Variants in CDH4 observed in about 807,000 individuals in gnomAD.
CDH4 encodes the protein cadherin-4.
Under a neutral mutation model 86.0 loss-of-function variants are expected in CDH4, and 33 were observed. The ratio of observed to expected loss-of-function variants is 0.38; its 90% CI spans 0.29 to 0.51. The LOEUF (loss-of-function observed/expected upper bound fraction) is 0.51. Ranked by LOEUF, CDH4 falls within the 20% of genes least tolerant of loss-of-function variation. The probability of loss-of-function intolerance (pLI) is 0.86; values close to 1 mark genes in which losing one functional copy is unlikely to be tolerated. For synonymous variants in CDH4, 555 were observed against 549.4 expected (o/e 1.01, Z -0.14); for missense variants, 1,114 against 1,307.4 (o/e 0.85, Z 2.28).
intron 2 of CDH4, among the ~76,000 whole-genome samples, chr20:61,336,221 A>G (rs1031913435): frequency 2.0e-5 from 3 of 152,316 alleles, no homozygotes; most frequent in Non-Finnish European, 4.4e-5. Context: ...CCATGGGTGA[A>G]TCACAGTTCA....
rs1286859644 is a variant in CDH4, at chr20:61,377,839, G to T, written c.169+122902G>T. ...GAAGGCTGGAGGCCTGTCCTCTGTA[G>T]CAGAAGGGAGATCAATGCAGCCCTG... On this transcript the variant is annotated intron_variant, in intron 2 of 15. Coordinates refer to ENST00000614565, the MANE Select transcript of CDH4 (RefSeq NM_001794.5). This position sits in a 1 kb window ranked among gnomAD's most constrained non-coding sequence, Gnocchi z 4.0. 2.6e-5 allele frequency among the ~76,000 whole-genome samples: 4 copies of T among 152,254 alleles called. No homozygotes were observed. The highest frequency in any genetic ancestry group is 5.9e-5 in the Non-Finnish European group (4 of 68,052).
chr20:61,527,807 A>T (rs73152006), intron 2 of CDH4, among the ~76,000 whole-genome samples: 29,239 of 151,592 alleles, frequency 0.19, 3,529 homozygotes, highest in African/African-American at 0.34. Context: ...GTGGTGTCCT[A>T]CTGCATGTGT....
chr20:61,781,380 G>A (rs1978534650), intron 4 of CDH4, among the ~76,000 whole-genome samples: 1 of 152,102 alleles, frequency 6.6e-6, no homozygotes, highest in African/African-American at 2.4e-5. Context: ...ATGTTCAAGG[G>A]TCAGAATAGA....
intron 2 of CDH4, among the ~76,000 whole-genome samples, chr20:61,455,156 T>G (rs2085400613): frequency 6.6e-6 from 1 of 152,152 alleles, no homozygotes; most frequent in Non-Finnish European, 1.5e-5. Context: ...GAGTGTTACA[T>G]CTCCACAAGC....
chr20:61,664,574 G>A (rs971525261), intron 2 of CDH4, among the ~76,000 whole-genome samples: 9 of 152,228 alleles, frequency 5.9e-5, no homozygotes, highest in African/African-American at 1.2e-4. Flanking sequence ...AACCCACACC[G>A]CATCAAGAGA....
chr20:61,852,897 A>G lies in CDH4; in HGVS notation c.876A>G (p.Pro292=), dbSNP rs1982798217. Residue 292 remains proline, a splice_region_variant and synonymous_variant, in exon 6 of 16, where the codon CCA becomes CCG. Coordinates refer to ENST00000614565, the MANE Select transcript of CDH4 (RefSeq NM_001794.5). ...GCTCCGTGGACGAGGGCTCCAAGCC[A>G]GGTGAGGCCTTTAGCGTTTGCTTGC... The part of the protein sequence containing the change: ...YNGSVDEGSK[P]GTYVMTVTAN... 6.2e-7 allele frequency: 1 copy of G among 1,613,768 alleles called. No homozygotes were observed. Among genetic ancestry groups the G allele is most frequent in the African/African-American group, 1.3e-5 (1 of 75,060 alleles).
intron 6 of CDH4, among the ~76,000 whole-genome samples, chr20:61,865,804 G>C (rs1327401630): frequency 6.6e-6 from 1 of 151,568 alleles, no homozygotes; most frequent in Non-Finnish European, 1.5e-5. Flanking sequence ...AGTTAGTGTA[G>C]ATGATAGCTG....
chr20:61,569,883 T>G (rs1405729067), intron 2 of CDH4, among the ~76,000 whole-genome samples: 2 of 152,214 alleles, frequency 1.3e-5, no homozygotes, highest in East Asian at 1.9e-4. Context: ...TGATGTTTCT[T>G]GATGACACTT....
intron 15 of CDH4, among the ~76,000 whole-genome samples, chr20:61,935,918 C>A (rs183133836): frequency 2.4e-4 from 37 of 152,262 alleles, no homozygotes; most frequent in Admixed American, 1.4e-3. Flanking sequence ...ATAAAGCCCA[C>A]TGTTAGATAG....
At chr20:61,344,152 C>T (rs768832366) in intron 2 of CDH4, among the ~76,000 whole-genome samples, 16 of 152,022 alleles carry the variant, frequency 1.1e-4, no homozygotes, top group Admixed American at 2.0e-4. Flanking sequence ...GGGGAGGAGA[C>T]GGGTTAGGGC....
At chr20:61,416,742 G>A (rs1407796417) in intron 2 of CDH4, among the ~76,000 whole-genome samples, 1 of 152,186 alleles carries the variant, frequency 6.6e-6, no homozygotes, top group Non-Finnish European at 1.5e-5. Context: ...GCCCCTTGAC[G>A]CCCTGTGGAC....
intron 2 of CDH4, among the ~76,000 whole-genome samples, chr20:61,268,883 T>A (rs2084169914): frequency 1.3e-5 from 2 of 152,198 alleles, no homozygotes; most frequent in Non-Finnish European, 2.9e-5. Context: ...GCCTCAGGTG[T>A]TCCTTTATAG....
At chr20:61,418,087 G>A (rs1174848693) in intron 2 of CDH4, among the ~76,000 whole-genome samples, 1 of 152,090 alleles carries the variant, frequency 6.6e-6, no homozygotes, top group Non-Finnish European at 1.5e-5. Flanking sequence ...GGCAAATGCT[G>A]ATCAAGAAAG....
intron 8 of CDH4, among the ~76,000 whole-genome samples, chr20:61,904,069 G>A (rs1017498434): frequency 1.3e-5 from 2 of 152,232 alleles, no homozygotes; most frequent in Non-Finnish European, 2.9e-5. Context: ...CCAAGCCGGC[G>A]TCCTGTGGGC....
At chr20:61,512,346 G>A (rs1025557169) in intron 2 of CDH4, among the ~76,000 whole-genome samples, 3 of 152,200 alleles carry the variant, frequency 2.0e-5, no homozygotes, top group African/African-American at 7.2e-5. Context: ...GCCCGGGAAG[G>A]GGATTGTCCC....
chr20:61,332,229 T>C (rs1326956013), intron 2 of CDH4, among the ~76,000 whole-genome samples: 1 of 152,178 alleles, frequency 6.6e-6, no homozygotes, highest in Non-Finnish European at 1.5e-5. Context: ...CTAGCAAATG[T>C]CAGTCTCTCA....
intron 2 of CDH4, chr20:61,717,630 GGC>G (rs2087974803): frequency 6.6e-6 from 1 of 152,228 alleles, no homozygotes; most frequent in Non-Finnish European, 1.5e-5. Context: ...TGGGATTACA[GGC>G]GCACACCACC....
intron 3 of CDH4, among the ~76,000 whole-genome samples, 192 bp from the exon 4 acceptor site, chr20:61,772,795 ATTGATGGGGGTCTCAC>A (rs1410912389): frequency 6.6e-6 from 1 of 151,386 alleles, no homozygotes; most frequent in African/African-American, 2.4e-5. Context: ...GTCTCATCAT[ATTGATGGGGGTCTCAC>A]TTGATTTTTT....
rs2086108318 is a variant in CDH4, at chr20:61,548,978, G to A, written c.170-194585G>A. On this transcript the variant is annotated intron_variant, in intron 2 of 15. Coordinates refer to ENST00000614565, the MANE Select transcript of CDH4 (RefSeq NM_001794.5). ...TTATATAAAACTACAAATGCCTTCG[G>A]GTCTCGGGGGGAGAGGCGGGTGGAA... Among the ~76,000 whole-genome samples the A allele has an allele frequency of 2.6e-5, 4 of 152,050 alleles. 1 individual carries two copies. In the South Asian group the frequency reaches 8.3e-4, roughly 32 times the overall value.
Sources: allele counts gnomAD v4.1 joint callset (sites outside exome capture counted in the v4.1 genomes callset), GRCh38; gene constraint gnomAD v4.1.1; non-coding constraint Gnocchi (gnomAD v3.1); transcripts MANE v1.5; gene names NCBI Gene and HGNC (gene_info 2026-07-23, HGNC 2026-07-21).